Variants in FGFR4 observed in about 807,000 individuals in gnomAD.
The protein encoded by FGFR4 is fibroblast growth factor receptor 4, also known as hydroxyaryl-protein kinase.
FGFR4 carries 63 observed loss-of-function variants against 89.9 expected under a neutral mutation model. The observed-to-expected ratio is 0.70, with a 90% CI of 0.57 to 0.86. FGFR4 has a LOEUF of 0.86. Among genes scored for constraint, FGFR4 ranks in the 40% least tolerant of loss-of-function variants. The probability of loss-of-function intolerance (pLI) is 0.00; values close to 1 mark genes in which losing one functional copy is unlikely to be tolerated. For missense variants in FGFR4, 928 were observed against 1,106.7 expected, an observed-to-expected ratio of 0.84 and a Z score of 2.29; for synonymous variants, 486 against 479.4, an observed-to-expected ratio of 1.01 and a Z score of -0.18.
At chr5:177,090,022 T>C in intron 2 of FGFR4, 1 of 658,598 alleles carries the variant, frequency 1.5e-6, no homozygotes, top group Non-Finnish European at 2.8e-6. Flanking sequence ...CCAGGCAGCA[T>C]GTGTGGTATA....
In FGFR4 at chr5:177,095,022, C is replaced by G; in HGVS notation, c.1520-308C>G. On this transcript the variant is annotated intron_variant, in intron 11 of 17. Transcript: ENST00000292408. This position sits in a 1 kb window ranked among gnomAD's most constrained non-coding sequence, Gnocchi z 5.7. ...GCAGCTTCCTTCCTTCCTTCCTGCT[C>G]CGAGCTCTTCCCCTCTCTCCTGTGT... 5.7e-6 allele frequency: 2 copies of G among 353,426 alleles called. No individual in the cohort carries two copies. Among genetic ancestry groups the G allele is most frequent in the Non-Finnish European group, 1.1e-5 (2 of 184,212 alleles). The allele number at this position is 353,426 out of a possible 1,614,324, so 21.9% of individuals were successfully genotyped here.
In FGFR4 at chr5:177,097,592, C is replaced by T. The variant is rs764201713; in HGVS notation, c.2325C>T (p.Cys775=). The change falls in exon 18 of 18, where the codon TGC becomes TGT. Residue 775 remains cysteine, a synonymous_variant. Coordinates refer to ENST00000292408, the MANE Select transcript of FGFR4 (RefSeq NM_213647.3). The part of the protein sequence containing the change: ...SPSGGDASST[C]SSSDSVFSHD... ...CTGGTGGGGACGCCAGCAGCACCTG[C>T]TCCTCCAGCGATTCTGTCTTCAGCC... 5.6e-6 allele frequency: 9 copies of T among 1,614,090 alleles called. No individual in the cohort carries two copies. The South Asian group carries it at 9.9e-5, about 18-fold the overall frequency.
At position 177,095,498 on chromosome 5, in the gene FGFR4, G is replaced by C; in HGVS notation, c.1631-35G>C. 6.2e-7 allele frequency: 1 copy of C among 1,612,990 alleles called. No individual in the cohort carries two copies. On this transcript the variant is annotated intron_variant, in intron 12 of 17. Coordinates refer to ENST00000292408, the MANE Select transcript of FGFR4 (RefSeq NM_213647.3). The surrounding 1 kb of genome is among the most constrained non-coding windows in gnomAD (Gnocchi z 5.7). ...GTTAGGGTGCAGAGCCAAAGCTTTG[G>C]CAGCCTCTCCACGCTCCCTCCACTC... is the stretch of plus-strand genomic sequence containing the variant.
rs1192477871 is a variant in FGFR4, at chr5:177,096,041, C to T, written c.1822-16C>T. 3 of 1,610,192 alleles carry T rather than the reference C, an allele frequency of 1.9e-6. No homozygotes were observed. Among genetic ancestry groups the T allele is most frequent in the Non-Finnish European group, 2.5e-6 (3 of 1,178,270 alleles). ...GGCCAGGTGTCCTGAGGCACCCAAGCCCCCGCTCCCTGCAGTGTATCCACC... is the reference window on the plus strand; with the variant it reads ...GGCCAGGTGTCCTGAGGCACCCAAGTCCCCGCTCCCTGCAGTGTATCCACC... On this transcript the variant is annotated splice_polypyrimidine_tract_variant and intron_variant, in intron 13 of 17. Coordinates refer to ENST00000292408, the MANE Select transcript of FGFR4 (RefSeq NM_213647.3).
rs993908936 is a variant in FGFR4, at chr5:177,087,120, C to T, written c.-54+43C>T. 1 of 151,960 alleles carries T rather than the reference C, an allele frequency of 6.6e-6. No individual in the cohort carries two copies. Among genetic ancestry groups the T allele is most frequent in the Non-Finnish European group, 1.5e-5 (1 of 68,032 alleles). The allele number at this position is 151,960 out of a possible 1,614,324, so 9.4% of individuals were successfully genotyped here. On this transcript the variant is annotated intron_variant, in intron 1 of 17. Transcript: ENST00000292408. The surrounding 1 kb of genome is among the most constrained non-coding windows in gnomAD (Gnocchi z 6.1). ...TGGGCCCGGGCTGCGCTCCCAGCCG[C>T]CAGGGGGCGAGAGGCGGCGGGGCTA...
Position 177,097,951 on chromosome 5 carries a change from T to C in FGFR4, c.*275T>C, listed in dbSNP as rs1473199870. 1 of 372,538 alleles carries C rather than the reference T, an allele frequency of 2.7e-6. No individual in the cohort carries two copies. Among genetic ancestry groups the C allele is most frequent in the Non-Finnish European group, 4.8e-6 (1 of 206,506 alleles). The allele number at this position is 372,538 out of a possible 1,614,324, so 23.1% of individuals were successfully genotyped here. A position where few individuals can be genotyped will look rare whatever the true frequency, so the allele number is the denominator to read the frequency against. ...TGGAGAGCTGCTATGCTAAACCTCC[T>C]GCCTCCCAATACCAGCAGGAGGTTC... On this transcript the variant is annotated 3_prime_UTR_variant, in exon 18 of 18. Coordinates refer to ENST00000292408, the MANE Select transcript of FGFR4 (RefSeq NM_213647.3).
intron 11 of FGFR4, among the ~76,000 whole-genome samples, chr5:177,094,236 G>C (rs1241339210): frequency 1.3e-5 from 2 of 152,090 alleles, no homozygotes; most frequent in Non-Finnish European, 2.9e-5. Flanking sequence ...CTCTGCTCCT[G>C]ACCCTGGCAA....
rs201257476 is a variant in FGFR4 at position 177,090,962 on chromosome 5, G to A, written c.461G>A (p.Arg154His). 33 of 1,614,080 alleles carry A rather than the reference G, an allele frequency of 2.0e-5. No individual in the cohort carries two copies. The highest frequency in any genetic ancestry group is 2.0e-4 in the East Asian group (9 of 44,878). Residue 154 changes from arginine (R) to histidine (H), a missense_variant, in exon 5 of 18, where the codon CGC (arginine) becomes CAC (histidine). Around this residue, in one of 5 missense-constraint regions of FGFR4, gnomAD observed 741 missense variants for 836.9 expected, o/e 0.89. Transcript: ENST00000292408. ...QQAPYWTHPQ[R>H]MEKKLHAVPA... The stretch of plus-strand genomic sequence containing the variant: ...GCACCCTACTGGACACACCCCCAGC[G>A]CATGGAGAAGAAACTGCATGCAGTA...
chr5:177,090,118 A>C, intron 2 of FGFR4: 2 of 632,304 alleles, frequency 3.2e-6, no homozygotes, highest in Admixed American at 2.3e-5. Flanking sequence ...GTGTGTCCGT[A>C]TGTGTGTGTG....
chr5:177,092,262 A>T (rs767605077), intron 6 of FGFR4, 59 bp from the exon 7 acceptor site: 114 of 1,484,976 alleles, frequency 7.7e-5, no homozygotes, highest in Non-Finnish European at 8.9e-5. Context: ...GGAGGGAGGC[A>T]AACAGGGTGC....
Position 177,093,092 on chromosome 5 carries a change from C to T in FGFR4, c.1058-46C>T. 1 of 1,608,666 alleles carries T rather than the reference C, an allele frequency of 6.2e-7. No individual in the cohort carries two copies. The highest frequency in any genetic ancestry group is 8.5e-7 in the Non-Finnish European group (1 of 1,175,394). On this transcript the variant is annotated intron_variant, in intron 8 of 17. Coordinates refer to ENST00000292408, the MANE Select transcript of FGFR4 (RefSeq NM_213647.3). This position sits in a 1 kb window ranked among gnomAD's most constrained non-coding sequence, Gnocchi z 5.8. The stretch of plus-strand genomic sequence containing the variant: ...AGGGTGCACGGGGCGGCCAGTCTCA[C>T]CACTGACCAGTTTGTCTGTCTGTGT...
chr5:177,092,296 G>T (rs1439607519), intron 6 of FGFR4, 25 bp from the exon 7 acceptor site: 2 of 1,533,258 alleles, frequency 1.3e-6, no homozygotes, highest in Non-Finnish European at 1.8e-6. Context: ...GGTGGTCAGG[G>T]TTGACTGTCT....
intron 2 of FGFR4, 55 bp downstream of exon 2, chr5:177,089,748 A>AG: frequency 1.9e-6 from 3 of 1,592,040 alleles, no homozygotes; most frequent in Non-Finnish European, 2.6e-6. Flanking sequence ...GGGCACCAGG[A>AG]GGGGGCTGCT....
In FGFR4 at chr5:177,097,365, C is replaced by T. The variant is rs752520209; in HGVS notation, c.2227C>T (p.Leu743=). ...TACCTTCAAGCAGCTGGTGGAGGCG[C>T]TGGACAAGGTCCTGCTGGCCGTCTC... ...RPTFKQLVEA[L]DKVLLAVSEE... The change falls in exon 17 of 18, where the codon CTG becomes TTG. Residue 743 remains leucine, a synonymous_variant. Coordinates refer to ENST00000292408, the MANE Select transcript of FGFR4 (RefSeq NM_213647.3). 6.2e-7 allele frequency: 1 copy of T among 1,612,240 alleles called. No homozygotes were observed. Among genetic ancestry groups the T allele is most frequent in the South Asian group, 1.1e-5 (1 of 90,830 alleles).
chr5:177,089,513 C>T (rs1784273758), intron 1 of FGFR4, 37 bp from the exon 2 acceptor site: 1 of 1,498,630 alleles, frequency 6.7e-7, no homozygotes, highest in African/African-American at 1.4e-5. Flanking sequence ...CACAAAGGTG[C>T]ACGTGTAGCA....
rs759061465 is a variant in FGFR4 at position 177,095,627 on chromosome 5, C to T, written c.1725C>T (p.Asp575=). The change falls in exon 13 of 18, where the codon GAC becomes GAT. Residue 575 remains aspartate, a synonymous_variant. Coordinates refer to ENST00000292408, the MANE Select transcript of FGFR4 (RefSeq NM_213647.3). This position sits in a 1 kb window ranked among gnomAD's most constrained non-coding sequence, Gnocchi z 5.7. Reference sequence around the variant, plus strand: ...CCCCAGGCCCCGACCTCAGCCCCGACGGTCCTCGGAGCAGTGAGGGGCCGC... The same window carrying T: ...CCCCAGGCCCCGACCTCAGCCCCGATGGTCCTCGGAGCAGTGAGGGGCCGC... ...RRPPGPDLSP[D]GPRSSEGPLS... is the part of the protein sequence containing the mutation. 49 of 1,605,552 alleles carry T rather than the reference C, an allele frequency of 3.1e-5. No homozygotes were observed. The Admixed American group carries it at 3.2e-4, about 11-fold the overall frequency.
chr5:177,097,257 A>G (rs2149740458), intron 16 of FGFR4, 35 bp from the exon 17 acceptor site: 1 of 1,530,508 alleles, frequency 6.5e-7, no homozygotes, highest in Non-Finnish European at 8.8e-7. Flanking sequence ...TGAAGGCCTG[A>G]GGCTCCCTGT....
chr5:177,090,154 GTCT>G, intron 2 of FGFR4: 1 of 693,412 alleles, frequency 1.4e-6, no homozygotes, highest in Non-Finnish European at 2.6e-6. Flanking sequence ...GTGTGTGTGT[GTCT>G]TGGCCACTGT....
rs2149737458 is a variant in FGFR4 at position 177,095,257 on chromosome 5, C to A, written c.1520-73C>A. The A allele has an allele frequency of 7.9e-7, 1 of 1,265,842 alleles. No homozygotes were observed. Among genetic ancestry groups the A allele is most frequent in the Non-Finnish European group, 1.2e-6 (1 of 865,482 alleles). The allele number at this position is 1,265,842 out of a possible 1,614,324, so 78.4% of individuals were successfully genotyped here. On this transcript the variant is annotated intron_variant, in intron 11 of 17. Coordinates refer to ENST00000292408, the MANE Select transcript of FGFR4 (RefSeq NM_213647.3). The surrounding 1 kb of genome is among the most constrained non-coding windows in gnomAD (Gnocchi z 5.7). Reference sequence around the variant, plus strand: ...GTAGCCCTGGTCCAGTGCTGCTTGTCCTGCACCTGCCTCTGCATGCTCCCT... The same window carrying A: ...GTAGCCCTGGTCCAGTGCTGCTTGTACTGCACCTGCCTCTGCATGCTCCCT...
Sources: gnomAD v4.1 joint callset for allele counts (sites outside exome capture counted in the v4.1 genomes callset) on GRCh38, gnomAD v4.1.1 for gene constraint, gnomAD v4.1.1 regional missense constraint, Gnocchi (gnomAD v3.1) non-coding constraint, MANE v1.5 for transcripts, NCBI Gene and HGNC (gene_info 2026-07-23, HGNC 2026-07-21) for gene names.